Variants in EDA observed in about 807,000 individuals in gnomAD.
EDA encodes ectodysplasin A, also known as ectodysplasin-A.
A neutral mutation model predicts 23.6 loss-of-function variants in EDA; 2 were observed. The observed-to-expected ratio is 0.08, with a 90% CI of 0.03 to 0.27. The LOEUF is 0.27. EDA is among the 10% of genes least tolerant of loss of function. EDA has a pLI of 1.00. For synonymous variants in EDA, 131 were observed against 132.0 expected, an observed-to-expected ratio of 0.99 and a Z score of 0.05; for missense variants, 229 against 324.2, an observed-to-expected ratio of 0.71 and a Z score of 2.26.
chrX:69,706,058 G>T (rs142841074), intron 1 of EDA, among the ~76,000 whole-genome samples: 2 of 111,793 alleles, frequency 1.8e-5, no homozygotes, highest in Non-Finnish European at 3.8e-5. Context: ...CCTTTCTTCC[G>T]GTGCAGAGAC....
chrX:69,721,054 G>A (rs2012560003), intron 1 of EDA, among the ~76,000 whole-genome samples: 1 of 112,215 alleles, frequency 8.9e-6, no homozygotes, highest in African/African-American at 3.2e-5. Flanking sequence ...GTGGGTTGTG[G>A]TTCCAGTGGC....
chrX:69,808,287 A>T (rs1483111000), intron 1 of EDA, among the ~76,000 whole-genome samples: 1 of 111,892 alleles, frequency 8.9e-6, no homozygotes, highest in Non-Finnish European at 1.9e-5. Context: ...TAGCCAAAAG[A>T]ATAGTCCCAT....
intron 1 of EDA, among the ~76,000 whole-genome samples, chrX:69,686,565 A>G (rs750504611): frequency 8.9e-6 from 1 of 111,760 alleles, no homozygotes; most frequent in Admixed American, 9.5e-5. Context: ...CCCTGTACCT[A>G]TAAGTAGTCA....
intron 1 of EDA, among the ~76,000 whole-genome samples, chrX:69,628,861 G>T (rs1394747131): frequency 4.5e-5 from 5 of 111,184 alleles, no homozygotes; most frequent in Non-Finnish European, 9.4e-5. Flanking sequence ...CACTCTGGCT[G>T]TATTTGGCTT....
At chrX:69,980,967 G>C (rs2019396824) in intron 2 of EDA, among the ~76,000 whole-genome samples, 1 of 112,020 alleles carries the variant, frequency 8.9e-6, no homozygotes, top group Admixed American at 9.5e-5. Context: ...CCTGAGCCTT[G>C]GGCAGGCTGG....
intron 1 of EDA, among the ~76,000 whole-genome samples, chrX:69,694,196 T>C (rs2011259220): frequency 8.9e-6 from 1 of 111,944 alleles, no homozygotes; most frequent in Non-Finnish European, 1.9e-5. Context: ...CCTCTATGAG[T>C]CCATGCTTAA....
chrX:70,025,771 C>A (rs1202282408), intron 3 of EDA, among the ~76,000 whole-genome samples: 1 of 111,926 alleles, frequency 8.9e-6, no homozygotes, highest in Non-Finnish European at 1.9e-5. Flanking sequence ...CGGGGCAGAT[C>A]CAATCTTTTG....
intron 1 of EDA, among the ~76,000 whole-genome samples, chrX:69,894,801 T>C (rs184583190): frequency 6.2e-5 from 7 of 112,084 alleles, no homozygotes; most frequent in Admixed American, 5.7e-4. Flanking sequence ...TTAAGGAGCT[T>C]TTAGGCAGAG....
intron 1 of EDA, among the ~76,000 whole-genome samples, chrX:69,678,286 G>T (rs1401620245): frequency 4.6e-5 from 5 of 109,510 alleles, no homozygotes; most frequent in African/African-American, 1.7e-4. Flanking sequence ...TTTGGCTTAG[G>T]ATTGACTTGG....
intron 2 of EDA, among the ~76,000 whole-genome samples, chrX:69,990,761 CTGTT>C (rs1184678514): frequency 1.2e-5 from 1 of 83,432 alleles, no homozygotes; most frequent in African/African-American, 4.5e-5. Flanking sequence ...TTTTTTCTGT[CTGTT>C]CTTGTTGGCA....
chrX:69,762,674 G>C (rs2014346264), intron 1 of EDA, among the ~76,000 whole-genome samples: 1 of 111,815 alleles, frequency 8.9e-6, no homozygotes, highest in African/African-American at 3.3e-5. Flanking sequence ...TGAACAATTA[G>C]TGGCTAATCA....
At chrX:69,802,856 A>G (rs769886661) in intron 1 of EDA, among the ~76,000 whole-genome samples, 17 of 112,214 alleles carry the variant, frequency 1.5e-4, no homozygotes, top group Non-Finnish European at 3.2e-4. Flanking sequence ...AAAACTTACA[A>G]TGTCAAAAAC....
At chrX:69,661,080 A>C (rs1337414519) in intron 1 of EDA, among the ~76,000 whole-genome samples, 4 of 109,826 alleles carry the variant, frequency 3.6e-5, no homozygotes, top group Non-Finnish European at 5.7e-5. Flanking sequence ...TTTGATTTGC[A>C]TTTCTCTGAT....
At position 70,036,587 on chromosome X, in the gene EDA, T is replaced by TC. The variant is rs2020271087; in HGVS notation, c.*979dup. On this transcript the variant is annotated 3_prime_UTR_variant, in exon 8 of 8. Coordinates refer to ENST00000374552, the MANE Select transcript of EDA (RefSeq NM_001399.5). ...ACAAATGTTTTTCATCCATTCCTAA[T>TC]CAAATTCTGTCTGGGGACGAAGGGT... 8.9e-6 allele frequency: 1 copy of TC among 112,819 alleles called. No homozygotes were observed. The highest frequency in any genetic ancestry group is 1.9e-5 in the Non-Finnish European group (1 of 53,335). The allele number at this position is 112,819 out of a possible 1,213,427, so 9.3% of individuals were successfully genotyped here.
chrX:69,682,828 G>T (rs185180606), intron 1 of EDA, among the ~76,000 whole-genome samples: 278 of 111,298 alleles, frequency 2.5e-3, no homozygotes, highest in Non-Finnish European at 4.6e-3. Flanking sequence ...GTTCCTATTT[G>T]GCCATCTTGG....
chrX:69,937,345 G>A (rs1177186542), intron 1 of EDA: 32 of 620,458 alleles, frequency 5.2e-5, no homozygotes, highest in Non-Finnish European at 7.6e-5. Flanking sequence ...CCTGCCTGAT[G>A]TGGTGGTCCT....
At chrX:69,868,986 C>A (rs1006430293) in intron 1 of EDA, among the ~76,000 whole-genome samples, 18 of 112,053 alleles carry the variant, frequency 1.6e-4, no homozygotes, top group African/African-American at 5.8e-4. Flanking sequence ...TGGTGGGAAT[C>A]ACCACCCCTG....
chrX:69,661,501 T>A (rs1933505175), intron 1 of EDA, among the ~76,000 whole-genome samples: 1 of 111,188 alleles, frequency 9.0e-6, no homozygotes, highest in Non-Finnish European at 1.9e-5. Flanking sequence ...GAGTCTTTAA[T>A]CCATTTAGAA....
At chrX:69,936,712 T>C (rs1038116222) in intron 1 of EDA, among the ~76,000 whole-genome samples, 1 of 111,276 alleles carries the variant, frequency 9.0e-6, no homozygotes, top group Non-Finnish European at 1.9e-5. Flanking sequence ...TGGTCCACAA[T>C]CTCAAATAGC....
Sources: gnomAD v4.1 joint callset for allele counts (sites outside exome capture counted in the v4.1 genomes callset) on GRCh38, gnomAD v4.1.1 for gene constraint, MANE v1.5 for transcripts, NCBI Gene and HGNC (gene_info 2026-07-23, HGNC 2026-07-21) for gene names.